ROBO1: variants seen among roughly 807,000 people sequenced by gnomAD.
ROBO1 encodes roundabout homolog 1.
Under a neutral mutation model 195.9 loss-of-function variants are expected in ROBO1, and 149 were observed. The ratio of observed to expected loss-of-function variants is 0.76; its 90% CI spans 0.67 to 0.87. The LOEUF is 0.87. ROBO1 is among the 40% of genes least tolerant of loss of function. The probability of loss-of-function intolerance (pLI) is 0.00; values close to 1 mark genes in which losing one functional copy is unlikely to be tolerated. For missense variants in ROBO1, 1,933 were observed against 2,068.3 expected, an observed-to-expected ratio of 0.93 and a Z score of 1.27; for synonymous variants, 816 against 733.2, an observed-to-expected ratio of 1.11 and a Z score of -1.82.
intron 2 of ROBO1, among the ~76,000 whole-genome samples, chr3:79,428,729 C>T (rs1211903891): frequency 6.6e-6 from 1 of 151,904 alleles, no homozygotes; most frequent in Non-Finnish European, 1.5e-5. Flanking sequence ...CAATTGTCCA[C>T]CGAATGGTGA....
chr3:79,551,313 A>G (rs540372897), intron 2 of ROBO1, among the ~76,000 whole-genome samples: 53 of 151,878 alleles, frequency 3.5e-4, no homozygotes, highest in South Asian at 3.1e-3. Context: ...CATTAGGTAT[A>G]TCTCCTAAAG....
At chr3:78,660,723 C>T (rs138799580) in intron 16 of ROBO1, 125 of 214,142 alleles carry the variant, frequency 5.8e-4, no homozygotes, top group Non-Finnish European at 9.8e-4. Flanking sequence ...ATAAACCAAA[C>T]GGAAAACAAT....
chr3:78,888,567 C>A (rs2036701228), intron 4 of ROBO1, among the ~76,000 whole-genome samples: 1 of 152,292 alleles, frequency 6.6e-6, no homozygotes. Context: ...AATTAAGTAA[C>A]CATTTCAACC....
chr3:79,717,775 G>T (rs2107274198), intron 1 of ROBO1, among the ~76,000 whole-genome samples: 1 of 151,986 alleles, frequency 6.6e-6, no homozygotes, highest in Admixed American at 6.6e-5. Flanking sequence ...GAAAGACCAA[G>T]CAAAAATAGT....
chr3:79,558,536 C>G lies in ROBO1; in HGVS notation c.88+31288G>C, dbSNP rs569602809. ...TCTTTGGGAAGTCAACAGTAATACA[C>G]AGATTTTTTACTATGTAGGAGAGTG... On this transcript the variant is annotated intron_variant, in intron 2 of 30. Transcript: ENST00000464233. Among the ~76,000 whole-genome samples the G allele has an allele frequency of 1.0e-3, 158 of 152,256 alleles. 2 individuals carry two copies. The highest frequency in any genetic ancestry group is 2.3e-3 in the Admixed American group (35 of 15,264).
At chr3:78,778,525 T>C (rs955643530) in intron 4 of ROBO1, among the ~76,000 whole-genome samples, 2 of 152,026 alleles carry the variant, frequency 1.3e-5, no homozygotes, top group Non-Finnish European at 2.9e-5. Flanking sequence ...TCACAATTGC[T>C]ACAAAGAGAA....
chr3:78,637,442 T>A (rs1040577595), intron 22 of ROBO1, among the ~76,000 whole-genome samples: 2 of 152,216 alleles, frequency 1.3e-5, no homozygotes, highest in African/African-American at 4.8e-5. Context: ...AACAGAACTT[T>A]GGAGATATTG....
At chr3:78,715,979 C>T (rs1440263853) in intron 7 of ROBO1, among the ~76,000 whole-genome samples, 1 of 152,220 alleles carries the variant, frequency 6.6e-6, no homozygotes, top group African/African-American at 2.4e-5. Context: ...ATCATAAATC[C>T]TATGCCCTAC....
intron 4 of ROBO1, among the ~76,000 whole-genome samples, chr3:78,755,976 C>T (rs1370523111): frequency 6.6e-6 from 1 of 151,996 alleles, no homozygotes; most frequent in Non-Finnish European, 1.5e-5. Flanking sequence ...TCAATGAATT[C>T]ATACTTTAAT....
chr3:78,607,262 C>T, intron 28 of ROBO1: 1 of 525,356 alleles, frequency 1.9e-6, no homozygotes, highest in Non-Finnish European at 3.3e-6. Context: ...ATTCAGGCTA[C>T]AGTGCAGGTG....
chr3:79,273,236 G>A (rs1009173232), intron 2 of ROBO1, among the ~76,000 whole-genome samples: 1 of 152,060 alleles, frequency 6.6e-6, no homozygotes, highest in African/African-American at 2.4e-5. Context: ...GTTGTGGTGT[G>A]TAAAATACTG....
At chr3:78,968,740 T>C (rs1357066404) in intron 3 of ROBO1, among the ~76,000 whole-genome samples, 7 of 152,176 alleles carry the variant, frequency 4.6e-5, no homozygotes, top group African/African-American at 1.7e-4. Context: ...AAAGTATAAG[T>C]TTTTGTATTC....
intron 28 of ROBO1, among the ~76,000 whole-genome samples, chr3:78,613,267 A>T (rs1236584622): frequency 6.6e-6 from 1 of 152,188 alleles, no homozygotes; most frequent in Non-Finnish European, 1.5e-5. Context: ...ATGTGTTTAC[A>T]TCCAGGCTTG....
chr3:78,996,828 T>C (rs1015528755), intron 3 of ROBO1, among the ~76,000 whole-genome samples: 3 of 152,180 alleles, frequency 2.0e-5, no homozygotes, highest in Admixed American at 6.6e-5. Flanking sequence ...TAAGCATGTG[T>C]GTATACACAT....
intron 22 of ROBO1, among the ~76,000 whole-genome samples, chr3:78,638,029 A>G (rs1344232144): frequency 6.7e-6 from 1 of 149,134 alleles, no homozygotes; most frequent in Non-Finnish European, 1.5e-5. Context: ...GGTAATTTTT[A>G]TTCCTTTAAA....
chr3:79,378,898 A>G (rs2036476236), intron 2 of ROBO1, among the ~76,000 whole-genome samples: 1 of 152,204 alleles, frequency 6.6e-6, no homozygotes, highest in African/African-American at 2.4e-5. Flanking sequence ...TGTAACCCTG[A>G]ACAAGCAAAT....
At chr3:79,585,505 G>A (rs1458728742) in intron 2 of ROBO1, among the ~76,000 whole-genome samples, 2 of 151,876 alleles carry the variant, frequency 1.3e-5, no homozygotes, top group Non-Finnish European at 2.9e-5. Flanking sequence ...AGAAACATAA[G>A]CAAAACCAAA....
intron 1 of ROBO1, among the ~76,000 whole-genome samples, chr3:79,613,530 T>C (rs9865947): frequency 0.3 from 44,844 of 151,754 alleles, 8,223 homozygotes; most frequent in African/African-American, 0.52. Context: ...AATGGCAAAA[T>C]GGCAGATTTA....
At chr3:79,651,822 A>G (rs1038830474) in intron 1 of ROBO1, among the ~76,000 whole-genome samples, 3 of 152,158 alleles carry the variant, frequency 2.0e-5, no homozygotes, top group African/African-American at 7.2e-5. Flanking sequence ...AAAATCTATT[A>G]AGTGTCAAAG....
Sources: gnomAD v4.1 joint callset for allele counts (sites outside exome capture counted in the v4.1 genomes callset) on GRCh38, gnomAD v4.1.1 for gene constraint, MANE v1.5 for transcripts, NCBI Gene and HGNC (gene_info 2026-07-23, HGNC 2026-07-21) for gene names.